Variants in SV2B observed in about 807,000 individuals in gnomAD.
SV2B encodes the protein synaptic vesicle glycoprotein 2B, also known as solute carrier family 22 member B2.
Under a neutral mutation model 73.9 loss-of-function variants are expected in SV2B, and 41 were observed. The ratio of observed to expected loss-of-function variants is 0.56; its 90% CI spans 0.43 to 0.72. The LOEUF (loss-of-function observed/expected upper bound fraction) is 0.72. Ranked by LOEUF, SV2B falls within the 30% of genes least tolerant of loss-of-function variation. The pLI is 0.00. For missense variants in SV2B, 764 were observed against 857.8 expected (o/e 0.89, Z 1.37); for synonymous variants, 314 against 314.2 (o/e 1.00, Z 0.01).
At chr15:91,199,956 C>T (rs983366959) in intron 1 of SV2B, among the ~76,000 whole-genome samples, 14 of 152,112 alleles carry the variant, frequency 9.2e-5, no homozygotes, top group African/African-American at 2.7e-4. Context: ...TGGACTGCCC[C>T]GCAGAGAGGC....
chr15:91,125,412 G>C (rs17594201), intron 1 of SV2B, among the ~76,000 whole-genome samples: 60,551 of 151,910 alleles, frequency 0.4, 13,312 homozygotes, highest in Middle Eastern at 0.49. Context: ...ATCCAACGGT[G>C]ATCCCAGCGG....
At chr15:91,200,419 C>T (rs1356944081) in intron 1 of SV2B, among the ~76,000 whole-genome samples, 4 of 152,140 alleles carry the variant, frequency 2.6e-5, no homozygotes, top group Non-Finnish European at 5.9e-5. Flanking sequence ...TTTTTGAATG[C>T]ATTTACCTGG....
chr15:91,192,772 C>G (rs1419404438), intron 1 of SV2B, among the ~76,000 whole-genome samples: 1 of 152,194 alleles, frequency 6.6e-6, no homozygotes, highest in African/African-American at 2.4e-5. Flanking sequence ...TCGTAGTGGA[C>G]AGATGAATGA....
chr15:91,200,166 G>T (rs1024531671), intron 1 of SV2B, among the ~76,000 whole-genome samples: 1 of 152,182 alleles, frequency 6.6e-6, no homozygotes, highest in Admixed American at 6.5e-5. Context: ...AAAAGGTAAG[G>T]TTTCCACTGA....
rs2048798503 is a variant in SV2B at position 91,284,643 on chromosome 15, G to T, written c.1708+422G>T. Among the ~76,000 whole-genome samples, 3 of 151,972 alleles carry T rather than the reference G, an allele frequency of 2.0e-5. No individual in the cohort carries two copies. Among genetic ancestry groups the T allele is most frequent in the South Asian group, 4.1e-4 (2 of 4,820 alleles). On this transcript the variant is annotated intron_variant, in intron 11 of 12. Transcript: ENST00000394232. This position sits in a 1 kb window ranked among gnomAD's most constrained non-coding sequence, Gnocchi z 4.5. ...AATAGCAATACCACTTTAGGCTTTGGAGTTGGACAGAGTCATGTTGAAATC... is the reference window on the plus strand; with the variant it reads ...AATAGCAATACCACTTTAGGCTTTGTAGTTGGACAGAGTCATGTTGAAATC...
rs982286704 is a variant in SV2B, at chr15:91,136,291, G to A, written c.-392+35928G>A. 7.2e-5 allele frequency among the ~76,000 whole-genome samples: 11 copies of A among 152,312 alleles called. No individual in the cohort carries two copies. Among genetic ancestry groups the A allele is most frequent in the Middle Eastern group, 3.4e-3 (1 of 294 alleles). ...TATAAACCTCAGATTAGTCGGGAGAGAGCGGCCGACCTCAGCAGGTTGCTG... is the reference window on the plus strand; with the variant it reads ...TATAAACCTCAGATTAGTCGGGAGAAAGCGGCCGACCTCAGCAGGTTGCTG... On this transcript the variant is annotated intron_variant, in intron 1 of 12. Transcript: ENST00000394232. The surrounding 1 kb of genome is among the most constrained non-coding windows in gnomAD (Gnocchi z 5.6).
chr15:91,277,151 C>G (rs2048521949), intron 9 of SV2B, among the ~76,000 whole-genome samples: 1 of 151,652 alleles, frequency 6.6e-6, no homozygotes, highest in Admixed American at 6.6e-5. Flanking sequence ...CTTTGTATGT[C>G]TTGTAATGTT....
rs1340231921 is a variant in SV2B at position 91,149,577 on chromosome 15, G to T, written c.-392+49214G>T. On this transcript the variant is annotated intron_variant, in intron 1 of 12. Coordinates refer to ENST00000394232, the MANE Select transcript of SV2B (RefSeq NM_001323032.3). Reference sequence around the variant, plus strand: ...AATTGAACTGTAGACTTTACAACCTGAATCACTGGGAGCCACGCTCTTAGT... The same window carrying T: ...AATTGAACTGTAGACTTTACAACCTTAATCACTGGGAGCCACGCTCTTAGT... 3.9e-5 allele frequency among the ~76,000 whole-genome samples: 6 copies of T among 152,182 alleles called. No homozygotes were observed. The East Asian group carries it at 1.2e-3, about 29-fold the overall frequency.
intron 1 of SV2B, among the ~76,000 whole-genome samples, chr15:91,182,081 C>G (rs1375082386): frequency 6.6e-6 from 1 of 152,112 alleles, no homozygotes; most frequent in African/African-American, 2.4e-5. Context: ...TATCACTGGC[C>G]TTCTGATAAA....
rs368295306 is a variant in SV2B, at chr15:91,284,225, A to T, written c.1708+4A>T. The stretch of plus-strand genomic sequence containing the variant: ...ATTGGAAGGCTCAAGATGATTGGTG[A>T]GTTGCCAGCAGGGTCATTCCTGGGT... On this transcript the variant is annotated splice_donor_region_variant and intron_variant, in intron 11 of 12. Coordinates refer to ENST00000394232, the MANE Select transcript of SV2B (RefSeq NM_001323032.3). The surrounding 1 kb of genome is among the most constrained non-coding windows in gnomAD (Gnocchi z 4.5). The T allele has an allele frequency of 1.9e-6, 3 of 1,614,050 alleles. No homozygotes were observed. The highest frequency in any genetic ancestry group is 2.5e-6 in the Non-Finnish European group (3 of 1,179,942).
At chr15:91,250,670 A>G (rs1478896117) in intron 2 of SV2B, among the ~76,000 whole-genome samples, 1 of 152,226 alleles carries the variant, frequency 6.6e-6, no homozygotes, top group Non-Finnish European at 1.5e-5. Context: ...TATGCTAACA[A>G]TGAAGTATCT....
chr15:91,191,623 C>G (rs886397601), intron 1 of SV2B, among the ~76,000 whole-genome samples: 1 of 152,194 alleles, frequency 6.6e-6, no homozygotes, highest in South Asian at 2.1e-4. Context: ...ATTGAAGTCT[C>G]TCTCCCCTAC....
rs2049157559 is a variant in SV2B at position 91,294,610 on chromosome 15, T to A, written c.*2058T>A. 6.6e-6 allele frequency: 1 copy of A among 151,662 alleles called. No individual in the cohort carries two copies. The highest frequency in any genetic ancestry group is 2.1e-4 in the South Asian group (1 of 4,830). The allele number at this position is 151,662 out of a possible 1,614,324, so 9.4% of individuals were successfully genotyped here. On this transcript the variant is annotated 3_prime_UTR_variant, in exon 13 of 13. Transcript: ENST00000394232. The surrounding 1 kb of genome is among the most constrained non-coding windows in gnomAD (Gnocchi z 4.1). ...GGTTCATAAAAGAGAATTGTGTGAG[T>A]CTGGGATTACCACATCTAAAACATT...
intron 1 of SV2B, among the ~76,000 whole-genome samples, chr15:91,216,817 A>G (rs2046045583): frequency 6.8e-6 from 1 of 147,202 alleles, no homozygotes; most frequent in Admixed American, 6.8e-5. Context: ...CAGTTCATCT[A>G]TTTATTCAAG....
intron 1 of SV2B, among the ~76,000 whole-genome samples, chr15:91,152,645 A>G (rs1402581903): frequency 6.6e-6 from 1 of 152,174 alleles, no homozygotes; most frequent in East Asian, 1.9e-4. Context: ...TCTTTTTATC[A>G]TCTATTGCTT....
intron 1 of SV2B, among the ~76,000 whole-genome samples, chr15:91,174,093 T>C (rs2044218581): frequency 6.6e-6 from 1 of 152,240 alleles, no homozygotes; most frequent in Non-Finnish European, 1.5e-5. Flanking sequence ...CTGAAAAGTC[T>C]AATACCAAAC....
intron 1 of SV2B, among the ~76,000 whole-genome samples, chr15:91,170,896 T>C (rs2044099673): frequency 6.6e-6 from 1 of 152,106 alleles, no homozygotes. Context: ...ATAACGTGTA[T>C]CTTGGAATAA....
Position 91,132,540 on chromosome 15 carries a change from C to T in SV2B, c.-392+32177C>T, listed in dbSNP as rs1203082358. Among the ~76,000 whole-genome samples the T allele has an allele frequency of 2.0e-5, 3 of 152,208 alleles. No individual in the cohort carries two copies. Among genetic ancestry groups the T allele is most frequent in the African/African-American group, 7.2e-5 (3 of 41,442 alleles). On this transcript the variant is annotated intron_variant, in intron 1 of 12. Coordinates refer to ENST00000394232, the MANE Select transcript of SV2B (RefSeq NM_001323032.3). This position sits in a 1 kb window ranked among gnomAD's most constrained non-coding sequence, Gnocchi z 4.6. ...ATTCAGTCTGATTTATTGCAGACAGCCAATTTTCCATCTGCTCTGCAGAAA... is the reference window on the plus strand; with the variant it reads ...ATTCAGTCTGATTTATTGCAGACAGTCAATTTTCCATCTGCTCTGCAGAAA...
At chr15:91,189,980 G>T (rs142208601) in intron 1 of SV2B, among the ~76,000 whole-genome samples, 6,244 of 151,354 alleles carry the variant, frequency 0.041, 425 homozygotes, top group African/African-American at 0.14. Flanking sequence ...AGAGCGAGAC[G>T]CCATCTCAAA....
Sources: gnomAD v4.1 joint callset for allele counts (sites outside exome capture counted in the v4.1 genomes callset) on GRCh38, gnomAD v4.1.1 for gene constraint, Gnocchi (gnomAD v3.1) non-coding constraint, MANE v1.5 for transcripts, NCBI Gene and HGNC (gene_info 2026-07-23, HGNC 2026-07-21) for gene names.